Variants in MECOM observed in about 807,000 individuals in gnomAD.
MECOM encodes the protein histone-lysine N-methyltransferase MECOM.
Under a neutral mutation model 116.3 loss-of-function variants are expected in MECOM, and 13 were observed. That is an observed-to-expected ratio of 0.11 (90% CI 0.07 to 0.18). The LOEUF (loss-of-function observed/expected upper bound fraction) is 0.18, where lower values mean the gene tolerates loss of function less well. MECOM is among the 10% of genes least tolerant of loss of function. The pLI, the probability that MECOM is intolerant of heterozygous loss-of-function variation, is 1.00. For synonymous variants in MECOM, 528 were observed against 535.2 expected (o/e 0.99, Z 0.19); for missense variants, 1,299 against 1,509.0 (o/e 0.86, Z 2.31).
intron 2 of MECOM, among the ~76,000 whole-genome samples, chr3:169,309,746 T>C (rs977701797): frequency 6.6e-6 from 1 of 152,146 alleles, no homozygotes; most frequent in Non-Finnish European, 1.5e-5. Flanking sequence ...AAGCACTAAC[T>C]GGAGAGTCAG....
chr3:169,609,470 T>G (rs1768987644), intron 1 of MECOM, among the ~76,000 whole-genome samples: 1 of 145,832 alleles, frequency 6.9e-6, no homozygotes, highest in Non-Finnish European at 1.5e-5. Context: ...TTTTTTTTTT[T>G]GCAATTTAAG....
chr3:169,251,942 A>G (rs2149585798), intron 2 of MECOM, among the ~76,000 whole-genome samples: 1 of 152,334 alleles, frequency 6.6e-6, no homozygotes, highest in South Asian at 2.1e-4. Context: ...TACAGATAAT[A>G]CAAACATGTA....
At chr3:169,549,546 T>C (rs1239759224) in intron 1 of MECOM, among the ~76,000 whole-genome samples, 1 of 152,292 alleles carries the variant, frequency 6.6e-6, no homozygotes, top group Non-Finnish European at 1.5e-5. Flanking sequence ...GCAGCAGGTG[T>C]GGACTGCCTT....
chr3:169,602,217 ATGAGT>A (rs1363349201), intron 1 of MECOM, among the ~76,000 whole-genome samples: 2 of 152,222 alleles, frequency 1.3e-5, no homozygotes, highest in Non-Finnish European at 2.9e-5. Context: ...CCTTTACACA[ATGAGT>A]AGCCAGCAGC....
intron 1 of MECOM, among the ~76,000 whole-genome samples, chr3:169,650,520 A>G (rs1434001168): frequency 1.3e-5 from 2 of 152,162 alleles, no homozygotes; most frequent in Non-Finnish European, 2.9e-5. Flanking sequence ...AAGAAATAGA[A>G]ATGGGGCATA....
intron 5 of MECOM, among the ~76,000 whole-genome samples, chr3:169,125,488 T>C (rs1732524526): frequency 6.6e-6 from 1 of 152,100 alleles, no homozygotes; most frequent in Non-Finnish European, 1.5e-5. Context: ...TCCAAGGATA[T>C]GGTTTAATTT....
At chr3:169,308,686 T>A (rs1269218512) in intron 2 of MECOM, among the ~76,000 whole-genome samples, 1 of 152,220 alleles carries the variant, frequency 6.6e-6, no homozygotes, top group Non-Finnish European at 1.5e-5. Context: ...TTTATCCAAA[T>A]AAAGGTATTT....
intron 1 of MECOM, among the ~76,000 whole-genome samples, chr3:169,561,312 G>A (rs1762604629): frequency 6.6e-6 from 1 of 151,904 alleles, no homozygotes; most frequent in African/African-American, 2.4e-5. Flanking sequence ...ATTGATAATA[G>A]TAAAAAGTTT....
chr3:169,100,993 T>C (rs1462312647), intron 11 of MECOM, 31 bp from the exon 12 acceptor site: 1 of 1,536,594 alleles, frequency 6.5e-7, no homozygotes. Context: ...TAAGAGAAAG[T>C]CAGCACAGTT....
At chr3:169,171,569 G>A (rs1376312866) in intron 2 of MECOM, among the ~76,000 whole-genome samples, 1 of 151,648 alleles carries the variant, frequency 6.6e-6, no homozygotes, top group Admixed American at 6.6e-5. Context: ...ACCTTAAAAT[G>A]GTATTTAGAA....
intron 16 of MECOM, 44 bp downstream of exon 16, chr3:169,088,956 A>G: frequency 3.7e-6 from 5 of 1,365,852 alleles, no homozygotes; most frequent in Non-Finnish European, 4.8e-6. Flanking sequence ...TGTACGTTTC[A>G]TGCATAATGT....
chr3:169,135,200 T>TTTCCCAATTAATTAACAGATAATTTCC (rs1735990585), intron 3 of MECOM, among the ~76,000 whole-genome samples: 2 of 152,040 alleles, frequency 1.3e-5, no homozygotes, highest in Admixed American at 1.3e-4. Context: ...TGGAAGGGAG[T>TTTCCCAATTAATTAACAGATAATTTCC]CAATTAATCT....
At chr3:169,659,096 G>C (rs1577329784) in intron 1 of MECOM, among the ~76,000 whole-genome samples, 1 of 142,392 alleles carries the variant, frequency 7.0e-6, no homozygotes, top group Admixed American at 6.9e-5. Flanking sequence ...AAAAAAGAAA[G>C]AGAAAGAAAG....
intron 1 of MECOM, among the ~76,000 whole-genome samples, chr3:169,584,170 T>G (rs930538112): frequency 2.6e-5 from 4 of 152,220 alleles, no homozygotes; most frequent in Non-Finnish European, 5.9e-5. Flanking sequence ...ATATTCTCAT[T>G]CTAGGAACCA....
At position 169,511,571 on chromosome 3, in the gene MECOM, G is replaced by A. The variant is rs545234823; in HGVS notation, c.38-130047C>T. Reference sequence around the variant, plus strand: ...GAGGCCGGGAGTTCAAGACCAGCCCGGCCAACATGGCAAAACCCCGTCTCT... The same window carrying A: ...GAGGCCGGGAGTTCAAGACCAGCCCAGCCAACATGGCAAAACCCCGTCTCT... On this transcript the variant is annotated intron_variant, in intron 1 of 16. Transcript: ENST00000651503. Among the ~76,000 whole-genome samples, 97 of 152,218 alleles carry A rather than the reference G, an allele frequency of 6.4e-4. 1 individual carries two copies. The highest frequency in any genetic ancestry group is 2.2e-3 in the African/African-American group (93 of 41,544).
intron 1 of MECOM, among the ~76,000 whole-genome samples, chr3:169,659,155 G>A (rs184159611): frequency 4.5e-4 from 68 of 151,288 alleles, no homozygotes; most frequent in Non-Finnish European, 8.0e-4. Flanking sequence ...AGTCCTACAT[G>A]TTGAATGTCT....
chr3:169,520,938 C>T (rs536188943), intron 1 of MECOM, among the ~76,000 whole-genome samples: 2 of 152,210 alleles, frequency 1.3e-5, no homozygotes, highest in Admixed American at 6.5e-5. Context: ...ATATGTTCAG[C>T]GAGATAAAAT....
intron 1 of MECOM, among the ~76,000 whole-genome samples, chr3:169,624,688 A>G (rs1045566875): frequency 3.9e-5 from 6 of 152,214 alleles, no homozygotes; most frequent in Non-Finnish European, 8.8e-5. Flanking sequence ...CTTCCTGGCT[A>G]GTAGGGCCTG....
intron 2 of MECOM, among the ~76,000 whole-genome samples, chr3:169,299,352 A>G (rs2149709927): frequency 6.6e-6 from 1 of 152,280 alleles, no homozygotes. Flanking sequence ...AGAGCTCCTC[A>G]AGATTTTCCT....
Sources: gnomAD v4.1 joint callset for allele counts (sites outside exome capture counted in the v4.1 genomes callset) on GRCh38, gnomAD v4.1.1 for gene constraint, MANE v1.5 for transcripts, NCBI Gene and HGNC (gene_info 2026-07-23, HGNC 2026-07-21) for gene names.